ZFPM1: variants seen among roughly 807,000 people sequenced by gnomAD.
The protein encoded by ZFPM1 is zinc finger protein ZFPM1.
ZFPM1 carries 28 observed loss-of-function variants against 46.3 expected under a neutral mutation model. That is an observed-to-expected ratio of 0.60 (90% CI 0.45 to 0.83). ZFPM1 has a LOEUF of 0.83. ZFPM1 is among the 40% of genes least tolerant of loss of function. The pLI is 0.00. For synonymous variants in ZFPM1, 957 were observed against 675.9 expected (o/e 1.42, Z -6.45); for missense variants, 1,878 against 1,432.4 (o/e 1.31, Z -5.02).
intron 4 of ZFPM1, 152 bp downstream of exon 4, chr16:88,514,672 T>C: frequency 8.7e-7 from 1 of 1,151,614 alleles, no homozygotes; most frequent in Non-Finnish European, 1.2e-6. Context: ...TAGGGAGGGA[T>C]TCGCTGCCTT....
intron 3 of ZFPM1, 53 bp downstream of exon 3, chr16:88,489,206 C>T (rs1416627683): frequency 1.2e-5 from 19 of 1,537,690 alleles, no homozygotes; most frequent in Middle Eastern, 4.0e-4. Context: ...CAGCCTGGCC[C>T]GGCCCCTGGG....
rs1597292464 is a variant in ZFPM1 at position 88,534,058 on chromosome 16, G to C, written c.2100G>C (p.Val700=). 2 of 1,300,108 alleles carry C rather than the reference G, an allele frequency of 1.5e-6. No homozygotes were observed. The highest frequency in any genetic ancestry group is 9.9e-7 in the Non-Finnish European group (1 of 1,005,578). The allele number at this position is 1,300,108 out of a possible 1,614,324, so 80.5% of individuals were successfully genotyped here. A position where few individuals can be genotyped will look rare whatever the true frequency, so the allele number is the denominator to read the frequency against. Residue 700 remains valine, a synonymous_variant, in exon 10 of 10, where the codon GTG becomes GTC. Transcript: ENST00000319555. ...TCAGCCGCCACGAGACCTACACCGT[G>C]CACAAGCGGTACTACTGCGCCTCGC... ...IRFSRHETYT[V]HKRYYCASRH...
intron 1 of ZFPM1, among the ~76,000 whole-genome samples, chr16:88,461,566 G>C (rs536832566): frequency 2.6e-5 from 4 of 152,304 alleles, no homozygotes; most frequent in African/African-American, 9.6e-5. Flanking sequence ...CGGCTGTTGT[G>C]TGGGGTGCAG....
At chr16:88,499,806 C>T (rs931957455) in intron 3 of ZFPM1, among the ~76,000 whole-genome samples, 38 of 152,212 alleles carry the variant, frequency 2.5e-4, no homozygotes, top group Non-Finnish European at 1.6e-4. Flanking sequence ...GCCTGCCTCC[C>T]AGGGAAGGGC....
chr16:88,528,277 A>G, intron 6 of ZFPM1, 39 bp downstream of exon 6: 3 of 1,537,902 alleles, frequency 2.0e-6, no homozygotes, highest in Non-Finnish European at 2.7e-6. Flanking sequence ...CGGCTGCTCC[A>G]CCAAGGAGGA....
chr16:88,514,762 T>C (rs1911189592), intron 4 of ZFPM1, among the ~76,000 whole-genome samples: 1 of 152,182 alleles, frequency 6.6e-6, no homozygotes, highest in Admixed American at 6.5e-5. Flanking sequence ...GGAGGGGTTC[T>C]TTAAGCAGGA....
intron 6 of ZFPM1, among the ~76,000 whole-genome samples, chr16:88,531,327 C>T (rs1035630590): frequency 7.2e-5 from 11 of 152,146 alleles, no homozygotes; most frequent in Non-Finnish European, 5.9e-5. Context: ...GCAAAACCAC[C>T]GTAAGCAGAG....
chr16:88,522,670 A>G (rs1911989807), intron 4 of ZFPM1, among the ~76,000 whole-genome samples: 1 of 152,206 alleles, frequency 6.6e-6, no homozygotes, highest in South Asian at 2.1e-4. Context: ...GAACATTCTC[A>G]GGTCCGCCCG....
At chr16:88,467,270 G>A (rs12935117) in intron 1 of ZFPM1, among the ~76,000 whole-genome samples, 1 of 151,888 alleles carries the variant, frequency 6.6e-6, no homozygotes. Context: ...CAAGCAGGGG[G>A]TACAGCATCT....
At chr16:88,509,847 C>T (rs1304812319) in intron 3 of ZFPM1, among the ~76,000 whole-genome samples, 9 of 152,180 alleles carry the variant, frequency 5.9e-5, no homozygotes, top group Admixed American at 5.9e-4. Flanking sequence ...TGGGAGCAGA[C>T]GCTCCTCTAC....
upstream of ZFPM1, among the ~76,000 whole-genome samples, chr16:88,451,914 C>T (rs1022736922): frequency 6.6e-6 from 1 of 152,184 alleles, no homozygotes; most frequent in Non-Finnish European, 1.5e-5. Flanking sequence ...ACCCACCCGC[C>T]ACTCTCCTGT....
chr16:88,485,118 G>A (rs1418709647), intron 1 of ZFPM1, among the ~76,000 whole-genome samples: 2 of 152,218 alleles, frequency 1.3e-5, no homozygotes, highest in African/African-American at 4.8e-5. Flanking sequence ...CGGGGACTGG[G>A]CCCCTGGGCG....
intron 4 of ZFPM1, 103 bp downstream of exon 4, chr16:88,514,623 A>C: frequency 7.3e-7 from 1 of 1,367,934 alleles, no homozygotes; most frequent in Non-Finnish European, 9.6e-7. Context: ...GGCTCTGGCC[A>C]CTTGAAGATG....
At chr16:88,517,854 G>A (rs1911452136) in intron 4 of ZFPM1, among the ~76,000 whole-genome samples, 1 of 151,166 alleles carries the variant, frequency 6.6e-6, no homozygotes, top group Admixed American at 6.6e-5. Flanking sequence ...GGGTGAGTGG[G>A]TAAAGGAGGG....
chr16:88,520,207 G>C (rs529305543), intron 4 of ZFPM1, among the ~76,000 whole-genome samples: 6 of 150,810 alleles, frequency 4.0e-5, no homozygotes, highest in Admixed American at 1.3e-4. Context: ...TAGATGGGTA[G>C]ATGGACAGAT....
intron 3 of ZFPM1, among the ~76,000 whole-genome samples, chr16:88,501,599 C>T (rs1184618451): frequency 1.6e-5 from 2 of 124,546 alleles, no homozygotes; most frequent in East Asian, 2.6e-4. Flanking sequence ...TGGGCTCTCC[C>T]GCAGGTACTG....
intron 4 of ZFPM1, among the ~76,000 whole-genome samples, chr16:88,518,676 G>A (rs1911530310): frequency 6.7e-6 from 1 of 150,338 alleles, no homozygotes; most frequent in Non-Finnish European, 1.5e-5. Context: ...TGGATGAGTG[G>A]GTGGGTGGAT....
intron 4 of ZFPM1, among the ~76,000 whole-genome samples, chr16:88,517,188 G>A (rs1014232437): frequency 1.1e-5 from 1 of 94,168 alleles, no homozygotes; most frequent in Non-Finnish European, 2.3e-5. Flanking sequence ...GTAGATGGAT[G>A]GATGGATGGA....
chr16:88,487,116 A>G (rs539212005), intron 2 of ZFPM1, among the ~76,000 whole-genome samples: 1 of 152,196 alleles, frequency 6.6e-6, no homozygotes, highest in Non-Finnish European at 1.5e-5. Flanking sequence ...TTAACCTGCC[A>G]TAAGGAGGCC....
Sources: gnomAD v4.1 joint callset for allele counts (sites outside exome capture counted in the v4.1 genomes callset) on GRCh38, gnomAD v4.1.1 for gene constraint, MANE v1.5 for transcripts, NCBI Gene and HGNC (gene_info 2026-07-23, HGNC 2026-07-21) for gene names.